MICAL2: variants seen among roughly 807,000 people sequenced by gnomAD.
MICAL2 encodes the protein [F-actin]-monooxygenase MICAL2.
Under a neutral mutation model 127.3 loss-of-function variants are expected in MICAL2, and 77 were observed. The ratio of observed to expected loss-of-function variants is 0.60; its 90% CI spans 0.50 to 0.73. MICAL2 has a LOEUF of 0.73. Ranked by LOEUF, MICAL2 falls within the 30% of genes least tolerant of loss-of-function variation. MICAL2 has a pLI of 0.00. For synonymous variants in MICAL2, 570 were observed against 551.1 expected (o/e 1.03, Z -0.48); for missense variants, 1,351 against 1,434.4 (o/e 0.94, Z 0.94).
In MICAL2 at chr11:12,222,729, G is replaced by C. The variant is rs777938874; in HGVS notation, c.1435G>C (p.Val479Leu). The C allele has an allele frequency of 6.2e-7, 1 of 1,614,198 alleles. No individual in the cohort carries two copies. Among genetic ancestry groups the C allele is most frequent in the East Asian group, 2.2e-5 (1 of 44,884 alleles). ...TRYPNLNSHC[V>L]RPHQVKHLYI... ...GTACCCAAACCTCAACTCACACTGT[G>C]TCAGGCCCCATCAGGCAAGTCCATT... The change falls in exon 11 of 28, where the codon GTC becomes CTC. Residue 479 changes from valine (V) to leucine (L), a missense_variant. By Grantham distance (32) the Val-to-Leu change is conservative (BLOSUM62 1). Around this residue, in one of 2 missense-constraint regions of MICAL2, gnomAD observed 599 missense variants for 714.9 expected, o/e 0.84. Transcript: ENST00000683283.
intron 21 of MICAL2, among the ~76,000 whole-genome samples, chr11:12,248,714 C>T (rs906712891): frequency 6.6e-6 from 1 of 152,236 alleles, no homozygotes; most frequent in Non-Finnish European, 1.5e-5. Context: ...CAGGGAAATG[C>T]TGGGAAGTTT....
chr11:12,328,489 G>A (rs552591998), intron 32 of MICAL2, among the ~76,000 whole-genome samples: 1 of 152,260 alleles, frequency 6.6e-6, no homozygotes, highest in Admixed American at 6.5e-5. Flanking sequence ...ACCTGCAAAG[G>A]TCAAATGTGG....
downstream of MICAL2, chr11:12,294,411 C>A (rs770891212): frequency 1.2e-6 from 2 of 1,614,222 alleles, no homozygotes; most frequent in South Asian, 2.2e-5. Context: ...GACCAGCATT[C>A]CCCTGGGAGA....
intron 29 of MICAL2, among the ~76,000 whole-genome samples, chr11:12,312,607 A>C (rs1365515264): frequency 6.6e-6 from 1 of 152,214 alleles, no homozygotes; most frequent in Admixed American, 6.5e-5. Context: ...AAGGCATACA[A>C]ATTTATTTGA....
intron 10 of MICAL2, 130 bp downstream of exon 10, chr11:12,221,889 G>A (rs917523752): frequency 6.3e-6 from 4 of 637,540 alleles, no homozygotes; most frequent in South Asian, 2.0e-5. Context: ...CTTCCCATGT[G>A]TGGCCTGATT....
chr11:12,150,830 G>A (rs955627234), intron 2 of MICAL2, among the ~76,000 whole-genome samples: 1 of 152,154 alleles, frequency 6.6e-6, no homozygotes, highest in African/African-American at 2.4e-5. Flanking sequence ...TGGTTAAGGC[G>A]AGGATGAGCT....
chr11:12,296,778 C>CT (rs1431102553), downstream of MICAL2, among the ~76,000 whole-genome samples: 2 of 151,596 alleles, frequency 1.3e-5, no homozygotes, highest in Non-Finnish European at 2.9e-5. Context: ...TATATTTTTT[C>CT]TTTTTTTAAC....
At chr11:12,178,941 G>T (rs575056574) in intron 3 of MICAL2, among the ~76,000 whole-genome samples, 3 of 151,728 alleles carry the variant, frequency 2.0e-5, no homozygotes, top group Non-Finnish European at 4.4e-5. Flanking sequence ...CCTGCTCTTC[G>T]CCCCCACTGT....
At position 12,242,194 on chromosome 11, in the gene MICAL2, T is replaced by G. The variant is rs1349317844; in HGVS notation, c.2338-20T>G. 1.3e-6 allele frequency: 2 copies of G among 1,582,762 alleles called. No individual in the cohort carries two copies. The highest frequency in any genetic ancestry group is 1.3e-5 in the African/African-American group (1 of 74,332). The stretch of plus-strand genomic sequence containing the variant: ...AAGGGCCGCAGTAGGGAAGGAAGCT[T>G]AATTTTCCCTCTTTCCCAGTTCCCC... On this transcript the variant is annotated intron_variant, in intron 18 of 27. Coordinates refer to ENST00000683283, the MANE Select transcript of MICAL2 (RefSeq NM_001282663.2).
downstream of MICAL2, chr11:12,293,713 C>A (rs756345325): frequency 1.9e-6 from 3 of 1,613,886 alleles, no homozygotes; most frequent in Middle Eastern, 1.6e-4. Flanking sequence ...CAGAGTACTG[C>A]CTGGTGAGCC....
intron 2 of MICAL2, among the ~76,000 whole-genome samples, chr11:12,161,110 G>C (rs1414487290): frequency 1.3e-5 from 2 of 152,174 alleles, no homozygotes; most frequent in African/African-American, 4.8e-5. Context: ...GTCAGCCCCA[G>C]CTCCTCCACA....
At chr11:12,315,027 T>G (rs1864217720) in intron 29 of MICAL2, among the ~76,000 whole-genome samples, 1 of 152,180 alleles carries the variant, frequency 6.6e-6, no homozygotes, top group South Asian at 2.1e-4. Context: ...TTCCTTTTAG[T>G]GTGAGTCTGC....
At chr11:12,168,197 A>C (rs1014825200) in intron 3 of MICAL2, among the ~76,000 whole-genome samples, 1 of 149,984 alleles carries the variant, frequency 6.7e-6, no homozygotes, top group African/African-American at 2.5e-5. Flanking sequence ...ATACATACAC[A>C]TACAGTTAGT....
intron 29 of MICAL2, among the ~76,000 whole-genome samples, chr11:12,301,535 C>T (rs1241715699): frequency 6.6e-6 from 1 of 152,176 alleles, no homozygotes; most frequent in East Asian, 1.9e-4. Flanking sequence ...TAAAGCTGGA[C>T]ACTAGTTAAA....
chr11:12,329,698 G>T (rs770239585), intron 32 of MICAL2, among the ~76,000 whole-genome samples: 3 of 152,086 alleles, frequency 2.0e-5, no homozygotes, highest in Non-Finnish European at 4.4e-5. Flanking sequence ...TGCCTAGGTT[G>T]TAGGCATTTA....
chr11:12,276,572 G>A (rs1352194510), intron 1 of MICAL2: 3 of 156,084 alleles, frequency 1.9e-5, no homozygotes, highest in Non-Finnish European at 2.8e-5. Context: ...ATTCAGAGTG[G>A]GGAACATGAG....
chr11:12,171,191 GC>G (rs1856212607), intron 3 of MICAL2, among the ~76,000 whole-genome samples: 1 of 152,196 alleles, frequency 6.6e-6, no homozygotes, highest in African/African-American at 2.4e-5. Context: ...TAGCCAATAG[GC>G]TTGTGAAGCT....
chr11:12,347,066 C>A (rs1430313944), intron 32 of MICAL2, among the ~76,000 whole-genome samples: 1 of 151,774 alleles, frequency 6.6e-6, no homozygotes, highest in Non-Finnish European at 1.5e-5. Flanking sequence ...CCCCTCCATG[C>A]CCCTCAGCCC....
chr11:12,152,555 G>A (rs1005280030), intron 2 of MICAL2, among the ~76,000 whole-genome samples: 1 of 152,060 alleles, frequency 6.6e-6, no homozygotes, highest in African/African-American at 2.4e-5. Flanking sequence ...GGGAACTGGT[G>A]CCCAACCTTC....
Sources: allele counts gnomAD v4.1 joint callset (sites outside exome capture counted in the v4.1 genomes callset), GRCh38; gene constraint gnomAD v4.1.1; regional missense constraint gnomAD v4.1.1; transcripts MANE v1.5; gene names NCBI Gene and HGNC (gene_info 2026-07-23, HGNC 2026-07-21).